Variants in NPTX2 observed in about 807,000 individuals in gnomAD.
The protein encoded by NPTX2 is neuronal pentraxin-2.
NPTX2 carries 23 observed loss-of-function variants against 38.1 expected under a neutral mutation model. That is an observed-to-expected ratio of 0.60 (90% CI 0.43 to 0.85). The LOEUF (loss-of-function observed/expected upper bound fraction) is 0.85, where lower values mean the gene tolerates loss of function less well. Ranked by LOEUF, NPTX2 falls within the 40% of genes least tolerant of loss-of-function variation. The pLI, the probability that NPTX2 is intolerant of heterozygous loss-of-function variation, is 0.00. For missense variants in NPTX2, 553 were observed against 615.3 expected, an observed-to-expected ratio of 0.90 and a Z score of 1.07; for synonymous variants, 291 against 287.3, an observed-to-expected ratio of 1.01 and a Z score of -0.13.
chr7:98,626,886 G>A (rs1791359139), intron 3 of NPTX2, among the ~76,000 whole-genome samples: 1 of 152,202 alleles, frequency 6.6e-6, no homozygotes, highest in Non-Finnish European at 1.5e-5. Context: ...GAGTTTCTCT[G>A]GCATGGAGAG....
At position 98,627,093 on chromosome 7, in the gene NPTX2, C is replaced by T. The variant is rs1791362670; in HGVS notation, c.889-72C>T. On this transcript the variant is annotated intron_variant, in intron 3 of 4. Transcript: ENST00000265634. ...CCCAGGGGGACTGTGGGGTGTCCTT[C>T]CTGCTTCCTGCCCTGGGGGACCCTG... 5 of 1,059,876 alleles carry T rather than the reference C, an allele frequency of 4.7e-6. No individual in the cohort carries two copies. The South Asian group carries it at 5.7e-5, about 12-fold the overall frequency. The allele number at this position is 1,059,876 out of a possible 1,614,324, so 65.7% of individuals were successfully genotyped here.
chr7:98,617,432 T>G lies in NPTX2; in HGVS notation c.-30T>G. The stretch of plus-strand genomic sequence containing the variant: ...CGCCCCGACGGCGCCCGCTCGCCCA[T>G]GCCGAGCTGAGCGCGGCAGCGGCGG... On this transcript the variant is annotated 5_prime_UTR_variant, in exon 1 of 5. The change abolishes an upstream ATG in the 5' untranslated region. Transcript: ENST00000265634. The G allele has an allele frequency of 1.2e-6, 1 of 833,796 alleles. No individual in the cohort carries two copies. The highest frequency in any genetic ancestry group is 1.6e-6 in the Non-Finnish European group (1 of 636,750). 51.6% of individuals were successfully genotyped at this position (833,796 alleles called of 1,614,324 possible).
chr7:98,624,002 C>A (rs1192642724), intron 2 of NPTX2, among the ~76,000 whole-genome samples: 1 of 152,174 alleles, frequency 6.6e-6, no homozygotes, highest in Non-Finnish European at 1.5e-5. Flanking sequence ...CCTCTGTCAC[C>A]CAGGTGGGAG....
chr7:98,617,942 G>T, intron 1 of NPTX2, 55 bp downstream of exon 1: 1 of 1,508,938 alleles, frequency 6.6e-7, no homozygotes, highest in Non-Finnish European at 8.8e-7. Context: ...CCCGAGTCGG[G>T]GGCGGAAGAC....
Position 98,624,917 on chromosome 7 carries a change from C to G in NPTX2, c.644-5C>G. The G allele has an allele frequency of 3.7e-6, 6 of 1,606,180 alleles. No individual in the cohort carries two copies. Among genetic ancestry groups the G allele is most frequent in the East Asian group, 2.2e-5 (1 of 44,628 alleles). ...CTCCTGGCCTCTCTTCCTCCCAACC[C>G]CCAGGCAATAGCGCCTTTAAGTCAC... On this transcript the variant is annotated splice_polypyrimidine_tract_variant and splice_region_variant and intron_variant, in intron 2 of 4. Coordinates refer to ENST00000265634, the MANE Select transcript of NPTX2 (RefSeq NM_002523.3).
At chr7:98,622,276 T>A (rs2115619006) in intron 2 of NPTX2, among the ~76,000 whole-genome samples, 1 of 152,308 alleles carries the variant, frequency 6.6e-6, no homozygotes, top group South Asian at 2.1e-4. Flanking sequence ...AGCTGTTTTA[T>A]TTAAATAAAA....
chr7:98,623,500 G>A (rs1029059216), intron 2 of NPTX2, among the ~76,000 whole-genome samples: 21 of 152,182 alleles, frequency 1.4e-4, no homozygotes, highest in Non-Finnish European at 2.5e-4. Flanking sequence ...GTGACCAGGT[G>A]TGTTCCCCTA....
intron 4 of NPTX2, among the ~76,000 whole-genome samples, chr7:98,627,705 G>T (rs117149994): frequency 6.6e-6 from 1 of 152,332 alleles, no homozygotes; most frequent in East Asian, 1.9e-4. Context: ...GTCATCTCGT[G>T]ACACAGGCTC....
chr7:98,628,045 G>A (rs1382620162), intron 4 of NPTX2, among the ~76,000 whole-genome samples: 1 of 152,130 alleles, frequency 6.6e-6, no homozygotes, highest in Non-Finnish European at 1.5e-5. Context: ...TAGACTCCAG[G>A]TGCACTGGGG....
chr7:98,627,054 G>A lies in NPTX2; in HGVS notation c.889-111G>A, dbSNP rs1584143983. 3.4e-5 allele frequency: 23 copies of A among 680,286 alleles called. No individual in the cohort carries two copies. In the South Asian group the frequency reaches 3.5e-4, roughly 10 times the overall value. 42.1% of individuals were successfully genotyped at this position (680,286 alleles called of 1,614,324 possible). On this transcript the variant is annotated intron_variant, in intron 3 of 4. Transcript: ENST00000265634. ...TCTCCACGCATGACCCCGGTGACAG[G>A]AGGAGCAGTGTGGCCCAGGGGGACT...
intron 1 of NPTX2, among the ~76,000 whole-genome samples, chr7:98,619,162 C>A (rs1290384083): frequency 6.6e-6 from 1 of 152,168 alleles, no homozygotes; most frequent in Admixed American, 6.5e-5. Flanking sequence ...AGAATAGCAA[C>A]GTTTTAGATC....
At chr7:98,624,128 T>G (rs918345241) in intron 2 of NPTX2, among the ~76,000 whole-genome samples, 1 of 152,136 alleles carries the variant, frequency 6.6e-6, no homozygotes, top group Admixed American at 6.5e-5. Context: ...AGCTAATTTT[T>G]ATATTTTTTG....
chr7:98,626,682 C>G (rs369890415), intron 3 of NPTX2, among the ~76,000 whole-genome samples: 1 of 152,214 alleles, frequency 6.6e-6, no homozygotes, highest in Non-Finnish European at 1.5e-5. Context: ...GTCCTCCCCC[C>G]AGTTCCTCAC....
At chr7:98,623,516 G>A (rs1008922352) in intron 2 of NPTX2, among the ~76,000 whole-genome samples, 1 of 152,174 alleles carries the variant, frequency 6.6e-6, no homozygotes, top group Non-Finnish European at 1.5e-5. Flanking sequence ...CCCTAAATGA[G>A]GAGAGACACC....
At chr7:98,628,371 C>A in intron 4 of NPTX2, 31 bp from the exon 5 acceptor site, 8 of 1,149,460 alleles carry the variant, frequency 7.0e-6, no homozygotes, top group Non-Finnish European at 9.0e-6. Flanking sequence ...TGAACCAGCC[C>A]TGACGCAGCT....
rs771896157 is a variant in NPTX2, at chr7:98,624,942, C to T, written c.664C>T (p.Pro222Ser). 6.2e-7 allele frequency: 1 copy of T among 1,613,074 alleles called. No homozygotes were observed. Among genetic ancestry groups the T allele is most frequent in the Non-Finnish European group, 8.5e-7 (1 of 1,179,482 alleles). ...LERGNSAFKS[P>S]DAFKVSLPLR... ...CCCAGGCAATAGCGCCTTTAAGTCACCAGATGCGTTCAAGGTGTCCCTCCC... is the reference window on the plus strand; with the variant it reads ...CCCAGGCAATAGCGCCTTTAAGTCATCAGATGCGTTCAAGGTGTCCCTCCC... Residue 222 changes from proline to serine, a missense_variant, in exon 3 of 5, where the codon CCA becomes TCA. Transcript: ENST00000265634.
chr7:98,628,201 TC>T (rs1410770712), intron 4 of NPTX2, among the ~76,000 whole-genome samples, 200 bp from the exon 5 acceptor site: 1 of 152,122 alleles, frequency 6.6e-6, no homozygotes, highest in Non-Finnish European at 1.5e-5. Flanking sequence ...AGCCTCAGTT[TC>T]CCCTGTATAA....
intron 2 of NPTX2, among the ~76,000 whole-genome samples, chr7:98,620,783 G>A (rs1173284856): frequency 6.6e-6 from 1 of 152,104 alleles, no homozygotes; most frequent in Non-Finnish European, 1.5e-5. Context: ...GACACCCAGG[G>A]CTATGGAGTT....
In NPTX2 at chr7:98,625,159, A is replaced by G; in HGVS notation, c.881A>G (p.Asn294Ser). 1 of 1,589,206 alleles carries G rather than the reference A, an allele frequency of 6.3e-7. No individual in the cohort carries two copies. Among genetic ancestry groups the G allele is most frequent in the Non-Finnish European group, 8.6e-7 (1 of 1,163,828 alleles). Residue 294 changes from asparagine to serine, a missense_variant, in exon 3 of 5, where the codon AAC (asparagine) becomes AGC (serine). Asn to Ser is a conservative substitution (Grantham distance 46, BLOSUM62 1). Transcript: ENST00000265634. ...AACAACCCCATCGAGCTGCTCATCA[A>G]CGACAAGGTGAGGCCCGCCTGCACC... ...WGNNPIELLINDKVAQLPLFV... is the reference protein window; with the variant it reads ...WGNNPIELLISDKVAQLPLFV...
Sources: allele counts gnomAD v4.1 joint callset (sites outside exome capture counted in the v4.1 genomes callset), GRCh38; gene constraint gnomAD v4.1.1; transcripts MANE v1.5; gene names NCBI Gene and HGNC (gene_info 2026-07-23, HGNC 2026-07-21).